The following NECAB2 variants were observed in gnomAD, a reference collection of about 807,000 sequenced individuals.
NECAB2 encodes N-terminal EF-hand calcium-binding protein 2.
NECAB2 carries 68 observed loss-of-function variants against 51.9 expected under a neutral mutation model. The observed-to-expected ratio is 1.31, with a 90% CI of 1.08 to 1.60. The LOEUF (loss-of-function observed/expected upper bound fraction) is 1.60, where lower values mean the gene tolerates loss of function less well. NECAB2 is among the 40% of genes most tolerant of loss of function. The probability of loss-of-function intolerance (pLI) is 0.00; values close to 1 mark genes in which losing one functional copy is unlikely to be tolerated. For missense variants in NECAB2, 854 were observed against 490.3 expected (o/e 1.74, Z -7.00); for synonymous variants, 329 against 203.5 (o/e 1.62, Z -5.25).
At chr16:83,997,184 G>C in intron 8 of NECAB2, 32 bp from the exon 9 acceptor site, 2 of 1,614,000 alleles carry the variant, frequency 1.2e-6, no homozygotes, top group East Asian at 4.5e-5. Flanking sequence ...GGGGCTCTGG[G>C]TCTAGCATCA....
upstream of NECAB2, chr16:83,966,273 G>A (rs1193294792): frequency 3.9e-6 from 2 of 512,400 alleles, no homozygotes; most frequent in African/African-American, 3.8e-5. Flanking sequence ...ACCCAGCCAG[G>A]AGACCTGCAG....
chr16:83,999,237 C>T (rs552653778), intron 10 of NECAB2, among the ~76,000 whole-genome samples: 85 of 151,762 alleles, frequency 5.6e-4, no homozygotes, highest in African/African-American at 2.0e-3. Flanking sequence ...GGCGTGGCCA[C>T]GAGGGGCCAT....
Position 83,998,198 on chromosome 16 carries a change from C to T in NECAB2, c.850-7C>T. On this transcript the variant is annotated splice_region_variant and splice_polypyrimidine_tract_variant and intron_variant, in intron 9 of 12. Coordinates refer to ENST00000305202, the MANE Select transcript of NECAB2 (RefSeq NM_019065.3). Reference sequence around the variant, plus strand: ...AGCCCCACACTGACTCCTGCTGTGCCCGGCAGCACCTGCAGCTGGTCCGGC... The same window carrying T: ...AGCCCCACACTGACTCCTGCTGTGCTCGGCAGCACCTGCAGCTGGTCCGGC... The T allele has an allele frequency of 1.9e-6, 3 of 1,606,980 alleles. No homozygotes were observed. The highest frequency in any genetic ancestry group is 2.2e-5 in the East Asian group (1 of 44,856).
intron 5 of NECAB2, among the ~76,000 whole-genome samples, chr16:83,985,339 AAAAAAAAG>A (rs1338180126): frequency 2.4e-5 from 3 of 124,428 alleles, no homozygotes; most frequent in Non-Finnish European, 4.7e-5. Context: ...AAAAAAAAAA[AAAAAAAAG>A]GTTACTGCTG....
chr16:84,000,061 T>TATC lies in NECAB2; in HGVS notation c.963-663_963-662insATC, dbSNP rs1555549865. Among the ~76,000 whole-genome samples the TATC allele has an allele frequency of 4.8e-5, 5 of 104,612 alleles. No homozygotes were observed. In the African/African-American group the frequency reaches 4.8e-4, roughly 10 times the overall value. 68.6% of individuals were successfully genotyped at this position (104,612 alleles called of 152,430 possible). A position where few individuals can be genotyped will look rare whatever the true frequency, so the allele number is the denominator to read the frequency against. On this transcript the variant is annotated intron_variant, in intron 10 of 12. Coordinates refer to ENST00000305202, the MANE Select transcript of NECAB2 (RefSeq NM_019065.3). ...GCCACCAGGCCCAGCAAGTTTTATTTTTTTTTTTTTTAAAGAGACAGTGTT... is the reference window on the plus strand; with the variant it reads ...GCCACCAGGCCCAGCAAGTTTTATTTATCTTTTTTTTTTTAAAGAGACAGTGTT...
At chr16:83,995,430 G>C (rs28433987) in intron 8 of NECAB2, among the ~76,000 whole-genome samples, 79 of 152,240 alleles carry the variant, frequency 5.2e-4, no homozygotes, top group African/African-American at 1.9e-3. Flanking sequence ...CCTCATAGGG[G>C]TGTCGTTAGG....
At chr16:83,965,396 G>C, upstream of NECAB2, 1 of 1,574,318 alleles carries the variant, frequency 6.4e-7, no homozygotes, top group Non-Finnish European at 8.6e-7. Flanking sequence ...CCTGGAGGCC[G>C]CCACAAGGGT....
Position 83,997,199 on chromosome 16 carries a change from G to A in NECAB2, c.796-17G>A, listed in dbSNP as rs780565649. The A allele has an allele frequency of 2.5e-6, 4 of 1,614,096 alleles. No individual in the cohort carries two copies. The highest frequency in any genetic ancestry group is 1.3e-5 in the African/African-American group (1 of 75,030). On this transcript the variant is annotated splice_polypyrimidine_tract_variant and intron_variant, in intron 8 of 12. Transcript: ENST00000305202. Reference sequence around the variant, plus strand: ...GGGGCTCTGGGTCTAGCATCACTGTGTGCTGGATTGTTTCAGGCACTGTGG... The same window carrying A: ...GGGGCTCTGGGTCTAGCATCACTGTATGCTGGATTGTTTCAGGCACTGTGG...
intron 5 of NECAB2, among the ~76,000 whole-genome samples, chr16:83,983,022 C>A (rs540638405): frequency 6.6e-6 from 1 of 151,968 alleles, no homozygotes; most frequent in African/African-American, 2.4e-5. Flanking sequence ...GCGCCCACCA[C>A]CACTCCTGGG....
At chr16:83,986,415 C>T (rs1381624605) in intron 5 of NECAB2, among the ~76,000 whole-genome samples, 1 of 152,180 alleles carries the variant, frequency 6.6e-6, no homozygotes, top group Admixed American at 6.5e-5. Context: ...AGGTAAATAG[C>T]AATTCCGAAA....
intron 5 of NECAB2, among the ~76,000 whole-genome samples, chr16:83,982,048 A>G (rs768709158): frequency 1.3e-5 from 2 of 152,208 alleles, no homozygotes; most frequent in Non-Finnish European, 2.9e-5. Context: ...CTTATGAATT[A>G]CGAAGTCCTT....
At chr16:83,965,967 C>G (rs749210391), upstream of NECAB2, 70 of 1,604,832 alleles carry the variant, frequency 4.4e-5, no homozygotes, top group Non-Finnish European at 5.8e-5. Flanking sequence ...TTGGCTGTGG[C>G]CAGCTCCCTG....
At chr16:83,987,019 T>G (rs1172188274) in intron 5 of NECAB2, among the ~76,000 whole-genome samples, 1 of 152,168 alleles carries the variant, frequency 6.6e-6, no homozygotes, top group Non-Finnish European at 1.5e-5. Flanking sequence ...AAGTACCCTC[T>G]GAATCTGAAA....
chr16:83,999,210 G>C (rs540280165), intron 10 of NECAB2, among the ~76,000 whole-genome samples: 2 of 152,176 alleles, frequency 1.3e-5, no homozygotes, highest in African/African-American at 4.8e-5. Context: ...GCAGGAGTGC[G>C]GCCGTTCCCG....
At chr16:83,972,374 C>T (rs887101139) in intron 2 of NECAB2, among the ~76,000 whole-genome samples, 199 bp downstream of exon 2, 1 of 152,324 alleles carries the variant, frequency 6.6e-6, no homozygotes, top group African/African-American at 2.4e-5. Context: ...CTAGTAGGGC[C>T]TACTTAGTAG....
chr16:83,996,935 G>T (rs904810850), intron 8 of NECAB2, among the ~76,000 whole-genome samples: 2 of 151,964 alleles, frequency 1.3e-5, no homozygotes, highest in African/African-American at 4.8e-5. Flanking sequence ...GGAATCTAAG[G>T]GCTGTTGCTC....
chr16:83,989,873 C>G (rs1214837566), intron 5 of NECAB2, among the ~76,000 whole-genome samples: 2 of 152,288 alleles, frequency 1.3e-5, no homozygotes, highest in East Asian at 1.9e-4. Context: ...CTGATTTCCC[C>G]CCAGGCTCCT....
chr16:84,000,161 C>T (rs887713489), intron 10 of NECAB2, among the ~76,000 whole-genome samples: 1 of 152,158 alleles, frequency 6.6e-6, no homozygotes, highest in Non-Finnish European at 1.5e-5. Context: ...CAAGACTTCC[C>T]AAAGTTCTGC....
intron 1 of NECAB2, 132 bp downstream of exon 1, chr16:83,968,981 C>G (rs2084320062): frequency 4.4e-6 from 2 of 454,598 alleles, no homozygotes; most frequent in East Asian, 2.0e-4. Flanking sequence ...CCCGGCCCCT[C>G]CGCGTGCCGG....
Sources: allele counts gnomAD v4.1 joint callset (sites outside exome capture counted in the v4.1 genomes callset), GRCh38; gene constraint gnomAD v4.1.1; transcripts MANE v1.5; gene names NCBI Gene and HGNC (gene_info 2026-07-23, HGNC 2026-07-21).